PFDN5: variants seen among roughly 807,000 people sequenced by gnomAD.
The protein encoded by PFDN5 is prefoldin subunit 5.
Under a neutral mutation model 21.5 loss-of-function variants are expected in PFDN5, and 13 were observed. The observed-to-expected ratio is 0.60, with a 90% CI of 0.39 to 0.96. The LOEUF (loss-of-function observed/expected upper bound fraction) is 0.96. Among genes scored for constraint, PFDN5 ranks in the 40% least tolerant of loss-of-function variants. The pLI is 0.00. For synonymous variants in PFDN5, 84 were observed against 68.9 expected (o/e 1.22, Z -1.08); for missense variants, 188 against 186.2 (o/e 1.01, Z -0.06).
intron 1 of PFDN5, 66 bp from the exon 2 acceptor site, chr12:53,295,773 C>G: frequency 8.0e-7 from 1 of 1,255,346 alleles, no homozygotes; most frequent in South Asian, 1.2e-5. Flanking sequence ...GGACCTGCCC[C>G]CTCCCCGGCC....
chr12:53,298,184 C>A, intron 5 of PFDN5, 34 bp downstream of exon 5: 1 of 1,256,706 alleles, frequency 8.0e-7, no homozygotes, highest in Non-Finnish European at 1.2e-6. Flanking sequence ...TTGACCCTAT[C>A]TCCATAATAA....
Position 53,295,898 on chromosome 12 carries a change from G to C in PFDN5, c.132G>C (p.Val44=), listed in dbSNP as rs142571907. The C allele has an allele frequency of 2.5e-6, 4 of 1,612,304 alleles. No individual in the cohort carries two copies. The highest frequency in any genetic ancestry group is 3.4e-6 in the Non-Finnish European group (4 of 1,178,472). ...TCAAAGTGGTACAGACCAAGTATGT[G>C]GAAGCCAAGGACTGTCTGAACGTGC... ...AQLKVVQTKY[V]EAKDCLNVLN... is the part of the protein sequence containing the mutation. The change falls in exon 2 of 6, where the codon GTG becomes GTC. Residue 44 remains valine (V), a synonymous_variant. Transcript: ENST00000334478.
chr12:53,295,547 C>T lies in PFDN5; in HGVS notation c.-21C>T, dbSNP rs111794761. 3.4e-3 allele frequency: 5,477 copies of T among 1,604,654 alleles called. 164 individuals are homozygous for T. The African/African-American group carries it at 0.066, about 19-fold the overall frequency. ...GTTGCTCGCCGAGAGACTTCCTCTT[C>T]GTTAAGTCGGCCTTCCCAACATGGC... On this transcript the variant is annotated 5_prime_UTR_variant, in exon 1 of 6. Coordinates refer to ENST00000334478, the MANE Select transcript of PFDN5 (RefSeq NM_002624.4).
chr12:53,295,859 G>C lies in PFDN5; in HGVS notation c.93G>C (p.Thr31=), dbSNP rs750157993. The change falls in exon 2 of 6, where the codon ACG becomes ACC. Residue 31 remains threonine (T), a synonymous_variant. Coordinates refer to ENST00000334478, the MANE Select transcript of PFDN5 (RefSeq NM_002624.4). The part of the protein sequence containing the change: ...QLDQEVEFLS[T]SIAQLKVVQT... The stretch of plus-strand genomic sequence containing the variant: ...TGTAGGAAGTGGAGTTCTTGTCCAC[G>C]TCCATTGCTCAGCTCAAAGTGGTAC... 1.9e-6 allele frequency: 3 copies of C among 1,603,224 alleles called. No homozygotes were observed. The highest frequency in any genetic ancestry group is 2.2e-5 in the South Asian group (2 of 90,824).
At chr12:53,296,128 C>G (rs1260818397) in intron 2 of PFDN5, 116 bp from the exon 3 acceptor site, 1 of 913,708 alleles carries the variant, frequency 1.1e-6, no homozygotes, top group East Asian at 2.6e-5. Flanking sequence ...CCTATTGCCC[C>G]TGTTTCCGTT....
At chr12:53,296,037 C>T in intron 2 of PFDN5, 96 bp downstream of exon 2, 1 of 825,904 alleles carries the variant, frequency 1.2e-6, no homozygotes, top group South Asian at 1.4e-5. Context: ...ACGAGAAAAT[C>T]CATTACATAT....
intron 3 of PFDN5, chr12:53,296,644 G>T (rs1944155642): frequency 6.4e-5 from 22 of 342,840 alleles, no homozygotes; most frequent in South Asian, 5.4e-4. Context: ...TCCTGACCTC[G>T]TGATCCGCCT....
rs201325659 is a variant in PFDN5 at position 53,295,938 on chromosome 12, G to A, written c.172G>A (p.Glu58Lys). ...DCLNVLNKSN[E>K]GKELLVPLTS... ...TCTGAACGTGCTGAACAAGAGCAAC[G>A]AGGGTATGGGGTAGGCGGGTGAGGG... is the stretch of plus-strand genomic sequence containing the variant. The change falls in exon 2 of 6, where the codon GAG becomes AAG. Residue 58 changes from glutamate to lysine, a missense_variant. Physicochemically the swap from Glu to Lys is moderately conservative, Grantham distance 56. Transcript: ENST00000334478. 1.2e-5 allele frequency: 19 copies of A among 1,591,370 alleles called. No homozygotes were observed. The highest frequency in any genetic ancestry group is 1.6e-5 in the Non-Finnish European group (19 of 1,159,678).
chr12:53,296,403 CCTT>C (rs1944150756), intron 3 of PFDN5, 128 bp downstream of exon 3: 1 of 641,802 alleles, frequency 1.6e-6, no homozygotes, highest in South Asian at 1.6e-5. Context: ...TTGAGGATAC[CCTT>C]TTTTTTTTTC....
chr12:53,295,754 C>A, intron 1 of PFDN5, 85 bp from the exon 2 acceptor site: 1 of 1,270,058 alleles, frequency 7.9e-7, no homozygotes, highest in Non-Finnish European at 1.2e-6. Context: ...AAACCTCTAT[C>A]CGATCCCAGG....
chr12:53,296,342 G>T, intron 3 of PFDN5, 67 bp downstream of exon 3: 1 of 1,236,518 alleles, frequency 8.1e-7, no homozygotes, highest in South Asian at 1.2e-5. Context: ...CCAAAAAGCG[G>T]GGAGGGGGAT....
Position 53,295,578 on chromosome 12 carries a change from C to T in PFDN5, c.11C>T (p.Ser4Phe), listed in dbSNP as rs1944138327. 1.2e-6 allele frequency: 2 copies of T among 1,613,670 alleles called. No individual in the cohort carries two copies. Among genetic ancestry groups the T allele is most frequent in the South Asian group, 1.1e-5 (1 of 91,080 alleles). MAQ[S>F]INITELNLPQ... ...GTCGGCCTTCCCAACATGGCGCAGTCTATTAACATCACGGAGCTGAATCTG... is the reference window on the plus strand; with the variant it reads ...GTCGGCCTTCCCAACATGGCGCAGTTTATTAACATCACGGAGCTGAATCTG... The change falls in exon 1 of 6, where the codon TCT (serine) becomes TTT (phenylalanine). Residue 4 changes from serine (S) to phenylalanine (F), a missense_variant. Transcript: ENST00000334478.
chr12:53,298,255 T>G (rs546286986), intron 5 of PFDN5, 105 bp downstream of exon 5: 1 of 733,488 alleles, frequency 1.4e-6, no homozygotes, highest in African/African-American at 1.7e-5. Flanking sequence ...AAACTATGTC[T>G]TAGTTTCTCT....
At chr12:53,296,484 C>T in intron 3 of PFDN5, 1 of 660,174 alleles carries the variant, frequency 1.5e-6, no homozygotes, top group Non-Finnish European at 2.7e-6. Flanking sequence ...TCTTGGCTTA[C>T]TGCAACCTCC....
At chr12:53,299,153 G>A (rs1355444532) in intron 5 of PFDN5, 116 bp from the exon 6 acceptor site, 15 of 488,694 alleles carry the variant, frequency 3.1e-5, no homozygotes, top group South Asian at 6.1e-5. Context: ...AAAAAAAAAA[G>A]GTTATTAACA....
In PFDN5 at chr12:53,295,900, A is replaced by G; in HGVS notation, c.134A>G (p.Glu45Gly). ...AAAGTGGTACAGACCAAGTATGTGG[A>G]AGCCAAGGACTGTCTGAACGTGCTG... is the stretch of plus-strand genomic sequence containing the variant. The part of the protein sequence containing the change: ...QLKVVQTKYV[E>G]AKDCLNVLNK... Residue 45 changes from glutamate (E) to glycine (G), a missense_variant, in exon 2 of 6, where the codon GAA (glutamate) becomes GGA (glycine). By Grantham distance (98) the Glu-to-Gly change is moderately conservative. Transcript: ENST00000334478. 1 of 1,612,536 alleles carries G rather than the reference A, an allele frequency of 6.2e-7. No individual in the cohort carries two copies. The highest frequency in any genetic ancestry group is 1.1e-5 in the South Asian group (1 of 91,046).
At chr12:53,296,000 C>T (rs1262995935) in intron 2 of PFDN5, 59 bp downstream of exon 2, 14 of 1,022,358 alleles carry the variant, frequency 1.4e-5, no homozygotes, top group Non-Finnish European at 1.8e-5. Flanking sequence ...CTCGTCCCAC[C>T]TCCTAACCCA....
rs762902927 is a variant in PFDN5 at position 53,295,828 on chromosome 12, G to A, written c.73-11G>A. ...GTCCTCTCATTGACCCGCTATCCCGGTCCTCTGTAGGAAGTGGAGTTCTTG... is the reference window on the plus strand; with the variant it reads ...GTCCTCTCATTGACCCGCTATCCCGATCCTCTGTAGGAAGTGGAGTTCTTG... On this transcript the variant is annotated splice_polypyrimidine_tract_variant and intron_variant, in intron 1 of 5. Transcript: ENST00000334478. 4 of 1,532,854 alleles carry A rather than the reference G, an allele frequency of 2.6e-6. No homozygotes were observed. The Admixed American group carries it at 6.7e-5, about 26-fold the overall frequency. 95.0% of individuals were successfully genotyped at this position (1,532,854 alleles called of 1,614,324 possible).
Position 53,295,653 on chromosome 12 carries a change from C to G in PFDN5, c.72+14C>G, listed in dbSNP as rs371255560. The G allele has an allele frequency of 1.1e-4, 172 of 1,607,354 alleles. No individual in the cohort carries two copies. In the African/African-American group the frequency reaches 2.1e-3, roughly 19 times the overall value. ...CAGCTGGACCAGGTGGGGACGGGCC[C>G]CAGAGGCACCTCTTTCCTGCTCTAC... On this transcript the variant is annotated intron_variant, in intron 1 of 5. Coordinates refer to ENST00000334478, the MANE Select transcript of PFDN5 (RefSeq NM_002624.4).
Sources: gnomAD v4.1 joint callset for allele counts on GRCh38, gnomAD v4.1.1 for gene constraint, MANE v1.5 for transcripts, NCBI Gene and HGNC (gene_info 2026-07-23, HGNC 2026-07-21) for gene names.